ADAMTSL1: variants seen among roughly 807,000 people sequenced by gnomAD.
ADAMTSL1 encodes ADAMTS-like protein 1.
A neutral mutation model predicts 201.8 loss-of-function variants in ADAMTSL1; 126 were observed. The observed-to-expected ratio is 0.62, with a 90% CI of 0.54 to 0.72. The LOEUF (loss-of-function observed/expected upper bound fraction) is 0.72, where lower values mean the gene tolerates loss of function less well. ADAMTSL1 is among the 30% of genes least tolerant of loss of function. The pLI, the probability that ADAMTSL1 is intolerant of heterozygous loss-of-function variation, is 0.00. For missense variants in ADAMTSL1, 2,679 were observed against 2,277.8 expected (o/e 1.18, Z -3.59); for synonymous variants, 1,121 against 903.4 (o/e 1.24, Z -4.32).
At chr9:18,009,893 T>C (rs551671826) in intron 1 of ADAMTSL1, among the ~76,000 whole-genome samples, 59 of 152,162 alleles carry the variant, frequency 3.9e-4, no homozygotes, top group African/African-American at 1.4e-3. Flanking sequence ...CAATTTTCTT[T>C]AATTACATGA....
At chr9:18,545,971 A>G (rs1820441690) in intron 3 of ADAMTSL1, among the ~76,000 whole-genome samples, 1 of 152,204 alleles carries the variant, frequency 6.6e-6, no homozygotes, top group African/African-American at 2.4e-5. Context: ...AAGCAGCATG[A>G]ACTTGTAGGT....
intron 20 of ADAMTSL1, among the ~76,000 whole-genome samples, chr9:18,800,416 C>G (rs1234253215): frequency 8.0e-6 from 1 of 124,990 alleles, no homozygotes; most frequent in African/African-American, 3.0e-5. Context: ...GAAAAATGGA[C>G]AGGTTTGACT....
chr9:18,814,202 G>A (rs547575135), intron 20 of ADAMTSL1, among the ~76,000 whole-genome samples: 21 of 152,126 alleles, frequency 1.4e-4, no homozygotes, highest in Non-Finnish European at 2.1e-4. Context: ...GTTGATCTGC[G>A]TATGTTGAAC....
chr9:17,995,455 G>A (rs1819331687), intron 1 of ADAMTSL1, among the ~76,000 whole-genome samples: 1 of 152,096 alleles, frequency 6.6e-6, no homozygotes, highest in Non-Finnish European at 1.5e-5. Context: ...AAGTTATAAT[G>A]AACTGAAAGA....
chr9:18,842,420 T>C (rs1392963419), intron 23 of ADAMTSL1, among the ~76,000 whole-genome samples: 1 of 152,242 alleles, frequency 6.6e-6, no homozygotes, highest in East Asian at 1.9e-4. Flanking sequence ...TTATAATTTC[T>C]GTTCTTTTAC....
At chr9:18,432,029 T>C (rs1819515809) in intron 2 of ADAMTSL1, among the ~76,000 whole-genome samples, 1 of 152,204 alleles carries the variant, frequency 6.6e-6, no homozygotes, top group Non-Finnish European at 1.5e-5. Flanking sequence ...TTACTCTCTA[T>C]TGGATGATGA....
chr9:18,440,037 G>A (rs1045088845), intron 2 of ADAMTSL1, among the ~76,000 whole-genome samples: 1 of 152,124 alleles, frequency 6.6e-6, no homozygotes, highest in African/African-American at 2.4e-5. Context: ...CCTGAGATAT[G>A]CTCACTGTGG....
intron 7 of ADAMTSL1, 120 bp downstream of exon 7, chr9:18,639,531 A>G: frequency 8.3e-7 from 1 of 1,206,498 alleles, no homozygotes; most frequent in Non-Finnish European, 1.2e-6. Flanking sequence ...TTTGTTACCC[A>G]GGAAATGTTT....
At chr9:18,788,034 C>T (rs1008641549) in intron 19 of ADAMTSL1, among the ~76,000 whole-genome samples, 1 of 152,170 alleles carries the variant, frequency 6.6e-6, no homozygotes, top group Non-Finnish European at 1.5e-5. Context: ...AAAATATTTT[C>T]TATACTTCCA....
intron 1 of ADAMTSL1, among the ~76,000 whole-genome samples, chr9:18,016,223 T>G (rs372207457): frequency 6.6e-6 from 1 of 152,060 alleles, no homozygotes; most frequent in East Asian, 1.9e-4. Flanking sequence ...TGTCATTGAA[T>G]TTAGGACTCA....
intron 23 of ADAMTSL1, among the ~76,000 whole-genome samples, chr9:18,879,893 T>C (rs189009943): frequency 5.2e-4 from 79 of 152,342 alleles, no homozygotes; most frequent in African/African-American, 1.8e-3. Context: ...GTGTCAATCC[T>C]CTCAAACCCT....
At chr9:18,576,296 G>T (rs1822719225) in intron 4 of ADAMTSL1, among the ~76,000 whole-genome samples, 1 of 152,146 alleles carries the variant, frequency 6.6e-6, no homozygotes, top group Non-Finnish European at 1.5e-5. Context: ...AATTTAGTTT[G>T]GCTGGAGAGC....
At chr9:18,173,964 G>A (rs1828022025) in intron 2 of ADAMTSL1, among the ~76,000 whole-genome samples, 1 of 152,098 alleles carries the variant, frequency 6.6e-6, no homozygotes, top group African/African-American at 2.4e-5. Context: ...TCACCACTTA[G>A]AGTTAATGTT....
At chr9:18,452,684 G>C (rs1820455841) in intron 2 of ADAMTSL1, among the ~76,000 whole-genome samples, 1 of 152,220 alleles carries the variant, frequency 6.6e-6, no homozygotes, top group Non-Finnish European at 1.5e-5. Flanking sequence ...CAAGAAGAAA[G>C]GGGTTGCTGC....
intron 1 of ADAMTSL1, among the ~76,000 whole-genome samples, chr9:18,482,510 A>G (rs545669308): frequency 1.3e-4 from 20 of 152,340 alleles, no homozygotes; most frequent in East Asian, 3.9e-4. Flanking sequence ...GTTTGTTGGC[A>G]TAAATGTTGG....
intron 2 of ADAMTSL1, among the ~76,000 whole-genome samples, chr9:18,332,988 C>A (rs935107430): frequency 1.3e-5 from 2 of 152,150 alleles, no homozygotes; most frequent in Non-Finnish European, 2.9e-5. Flanking sequence ...AGCACCCAAC[C>A]ATTGTTGGCA....
chr9:18,432,710 C>T lies in ADAMTSL1; in HGVS notation c.208-72119C>T, dbSNP rs1368154807. 7.2e-5 allele frequency among the ~76,000 whole-genome samples: 11 copies of T among 152,068 alleles called. No homozygotes were observed. In the South Asian group the frequency reaches 1.2e-3, roughly 17 times the overall value. The stretch of plus-strand genomic sequence containing the variant: ...CCTTATTTCACCTTTGTTTGAAAAA[C>T]GGGAATCATTAGTACCGGCTCTGAA... On this transcript the variant is annotated intron_variant, in intron 2 of 29. Coordinates refer to the ADAMTSL1 transcript ENST00000680146.
At chr9:18,024,829 T>G (rs1820626588) in intron 1 of ADAMTSL1, among the ~76,000 whole-genome samples, 2 of 152,184 alleles carry the variant, frequency 1.3e-5, no homozygotes, top group Non-Finnish European at 2.9e-5. Context: ...TTTAGTTCTT[T>G]GAGAAATCTC....
chr9:18,688,689 A>AAAATATATATATATATATATAT (rs1554730404), intron 13 of ADAMTSL1, among the ~76,000 whole-genome samples: 2 of 8,650 alleles, frequency 2.3e-4, no homozygotes, highest in Admixed American at 2.3e-3. Flanking sequence ...AAAAAAAAAA[A>AAAATATATATATATATATATAT]ATATATATAT....
Sources: gnomAD v4.1 joint callset for allele counts (sites outside exome capture counted in the v4.1 genomes callset) on GRCh38, gnomAD v4.1.1 for gene constraint, MANE v1.5 for transcripts, NCBI Gene and HGNC (gene_info 2026-07-23, HGNC 2026-07-21) for gene names.